The following CAPN11 variants were observed in gnomAD, a reference collection of about 807,000 sequenced individuals.
CAPN11 encodes calpain-11.
CAPN11 carries 108 observed loss-of-function variants against 105.3 expected under a neutral mutation model. The observed-to-expected ratio is 1.03, with a 90% confidence interval of 0.88 to 1.20. The LOEUF (loss-of-function observed/expected upper bound fraction) is 1.20. CAPN11 is among the 50% of genes most tolerant of loss of function. CAPN11 has a pLI of 0.00. For missense variants in CAPN11, 883 were observed against 924.8 expected, an observed-to-expected ratio of 0.95 and a Z score of 0.59; for synonymous variants, 329 against 344.5, an observed-to-expected ratio of 0.96 and a Z score of 0.50.
Position 44,169,527 on chromosome 6 carries a change from C to A in CAPN11, c.335C>A (p.Pro112His). The A allele has an allele frequency of 6.4e-7, 1 of 1,569,056 alleles. No individual in the cohort carries two copies. The highest frequency in any genetic ancestry group is 1.2e-5 in the South Asian group (1 of 85,188). Reference sequence around the variant, plus strand: ...GTGCAGAACATCTCCTGGCAGCGGCCCAAGGTGGGCACTGGAAGGGAGGCA... The same window carrying A: ...GTGCAGAACATCTCCTGGCAGCGGCACAAGGTGGGCACTGGAAGGGAGGCA... The part of the protein sequence containing the change: ...KNVQNISWQR[P>H]KDIINNPLFI... The change falls in exon 3 of 23, where the codon CCC becomes CAC. Residue 112 changes from proline (P) to histidine (H), a missense_variant. Physicochemically the swap from Pro to His is moderately conservative, Grantham distance 77. Coordinates refer to ENST00000398776, the MANE Select transcript of CAPN11 (RefSeq NM_007058.4).
At chr6:44,177,118 G>C in intron 11 of CAPN11, 120 bp downstream of exon 11, 1 of 1,479,336 alleles carries the variant, frequency 6.8e-7, no homozygotes. Flanking sequence ...TCAAGGGTTA[G>C]TCAGATTTCA....
intron 4 of CAPN11, among the ~76,000 whole-genome samples, chr6:44,171,774 G>A (rs1481231499): frequency 1.3e-5 from 2 of 152,140 alleles, no homozygotes; most frequent in Non-Finnish European, 2.9e-5. Context: ...TCACATAATA[G>A]AAAAGGTACA....
Position 44,184,276 on chromosome 6 carries a change from C to T in CAPN11, c.*344C>T, listed in dbSNP as rs535430166. The T allele has an allele frequency of 5.4e-5, 21 of 386,556 alleles. No homozygotes were observed. The highest frequency in any genetic ancestry group is 1.0e-4 in the Non-Finnish European group (21 of 209,434). The allele number at this position is 386,556 out of a possible 1,614,324, so 23.9% of individuals were successfully genotyped here. On this transcript the variant is annotated 3_prime_UTR_variant, in exon 23 of 23. Transcript: ENST00000398776. ...CCAAGAATAGGGAAGGGACTTGTAGCCCGTTTCTTACCCTCCATGCTTGCT... is the reference window on the plus strand; with the variant it reads ...CCAAGAATAGGGAAGGGACTTGTAGTCCGTTTCTTACCCTCCATGCTTGCT...
intron 4 of CAPN11, among the ~76,000 whole-genome samples, chr6:44,171,781 T>C (rs1188895145): frequency 6.6e-6 from 1 of 152,006 alleles, no homozygotes; most frequent in Non-Finnish European, 1.5e-5. Flanking sequence ...ATAGAAAAGG[T>C]ACAGCCAGGC....
chr6:44,163,384 T>C (rs1487830640), intron 1 of CAPN11, among the ~76,000 whole-genome samples: 4 of 152,138 alleles, frequency 2.6e-5, no homozygotes, highest in Non-Finnish European at 5.9e-5. Flanking sequence ...TGCAGTACAA[T>C]GGACGAAGGG....
chr6:44,166,744 CT>C lies in CAPN11; in HGVS notation c.17-11del. On this transcript the variant is annotated splice_polypyrimidine_tract_variant and intron_variant, in intron 1 of 22. Coordinates refer to ENST00000398776, the MANE Select transcript of CAPN11 (RefSeq NM_007058.4). The stretch of plus-strand genomic sequence containing the variant: ...ACAGCCTTCCTCCCCTCCTCCCACT[CT>C]TTCTTATTCTAGGGCCGAGTCTTCC... 6.5e-7 allele frequency: 1 copy of C among 1,549,000 alleles called. No individual in the cohort carries two copies.
chr6:44,182,854 A>T, intron 19 of CAPN11, 87 bp from the exon 20 acceptor site: 2 of 968,386 alleles, frequency 2.1e-6, no homozygotes, highest in Non-Finnish European at 3.2e-6. Context: ...GATTACAGGC[A>T]TGAGCCACCG....
rs1774207848 is a variant in CAPN11 at position 44,184,119 on chromosome 6, C to T, written c.*187C>T. On this transcript the variant is annotated 3_prime_UTR_variant, in exon 23 of 23. Coordinates refer to ENST00000398776, the MANE Select transcript of CAPN11 (RefSeq NM_007058.4). The stretch of plus-strand genomic sequence containing the variant: ...CAGTGGGACCTCCGTGCCCACTCCC[C>T]CAGCTCAGAGGCTTTCTCTTTTTTC... 1 of 618,488 alleles carries T rather than the reference C, an allele frequency of 1.6e-6. No homozygotes were observed. The highest frequency in any genetic ancestry group is 1.8e-5 in the African/African-American group (1 of 54,268). The allele number at this position is 618,488 out of a possible 1,614,324, so 38.3% of individuals were successfully genotyped here. A position where few individuals can be genotyped will look rare whatever the true frequency, so the allele number is the denominator to read the frequency against.
Position 44,169,187 on chromosome 6 carries a change from G to T in CAPN11, c.89-94G>T, listed in dbSNP as rs1310223597. 3.7e-6 allele frequency: 5 copies of T among 1,346,088 alleles called. No homozygotes were observed. The East Asian group carries it at 1.3e-4, about 34-fold the overall frequency. The allele number at this position is 1,346,088 out of a possible 1,614,324, so 83.4% of individuals were successfully genotyped here. ...AGGCTGAAGAGATCCTCCCACCTCA[G>T]CCTCCCAAAGTGCTGAGATTACAGG... On this transcript the variant is annotated intron_variant, in intron 2 of 22. Coordinates refer to ENST00000398776, the MANE Select transcript of CAPN11 (RefSeq NM_007058.4).
intron 1 of CAPN11, among the ~76,000 whole-genome samples, chr6:44,166,131 C>T (rs1002630208): frequency 2.0e-5 from 3 of 151,964 alleles, no homozygotes; most frequent in East Asian, 1.9e-4. Flanking sequence ...AGGAGGTACT[C>T]GTGTGGAACA....
chr6:44,179,984 G>A lies in CAPN11; in HGVS notation c.1461G>A (p.Lys487=), dbSNP rs749554605. ...FQNIQDVHLK[K]EFFTKYQDHG... ...ACATTCAGGATGTCCACTTGAAGAA[G>A]GAATTCTTCACGAAGTATCAGGACC... Residue 487 remains lysine (K), a synonymous_variant, in exon 14 of 23, where the codon AAG becomes AAA. Transcript: ENST00000398776. The A allele has an allele frequency of 1.2e-6, 2 of 1,613,528 alleles. No individual in the cohort carries two copies. The highest frequency in any genetic ancestry group is 1.1e-5 in the South Asian group (1 of 91,072).
chr6:44,169,240 A>G (rs746150887), intron 2 of CAPN11, 41 bp from the exon 3 acceptor site: 6 of 1,563,972 alleles, frequency 3.8e-6, no homozygotes, highest in Non-Finnish European at 5.2e-6. Context: ...AGCTTATTAC[A>G]TTTTTTACTT....
chr6:44,160,399 C>T (rs760672812), intron 1 of CAPN11, among the ~76,000 whole-genome samples: 15 of 152,146 alleles, frequency 9.9e-5, no homozygotes, highest in Non-Finnish European at 1.9e-4. Context: ...GGGCAGATCA[C>T]GAAGTCAGGA....
At chr6:44,180,557 G>A in intron 15 of CAPN11, 40 bp from the exon 16 acceptor site, 1 of 1,613,798 alleles carries the variant, frequency 6.2e-7, no homozygotes, top group East Asian at 2.2e-5. Flanking sequence ...TGTGAAAGAA[G>A]TTTTCTGACC....
Position 44,181,299 on chromosome 6 carries a change from G to A in CAPN11, c.1917G>A (p.Trp639Ter). The change falls in exon 19 of 23, where the codon TGG becomes TGA. Residue 639 changes from tryptophan (W) to a stop codon, truncating the protein, a stop_gained. Coordinates refer to ENST00000398776, the MANE Select transcript of CAPN11 (RefSeq NM_007058.4). LOFTEE classifies it high-confidence loss of function. ...GGCTTCTAGAGTTCAAGATCCTGTG[G>A]AAAAAACTCAAGAAATGGATGGTAA... ...KLGLLEFKIL[W>*]KKLKKWMDIF... 3 of 1,613,440 alleles carry A rather than the reference G, an allele frequency of 1.9e-6. No homozygotes were observed. Among genetic ancestry groups the A allele is most frequent in the Non-Finnish European group, 2.5e-6 (3 of 1,179,592 alleles).
At chr6:44,181,824 C>CCA (rs796767681) in intron 19 of CAPN11, among the ~76,000 whole-genome samples, 9 of 13,942 alleles carry the variant, frequency 6.5e-4, no homozygotes, top group Admixed American at 8.5e-4. Context: ...CACAACCACA[C>CCA]CACACACACA....
chr6:44,183,677 C>T (rs771516467), intron 21 of CAPN11, 28 bp from the exon 22 acceptor site: 1 of 1,610,842 alleles, frequency 6.2e-7, no homozygotes, highest in Admixed American at 1.7e-5. Flanking sequence ...GCATTCAGCC[C>T]CTCTCCCCCG....
chr6:44,178,403 C>G (rs1300432430), intron 12 of CAPN11, among the ~76,000 whole-genome samples: 1 of 151,966 alleles, frequency 6.6e-6, no homozygotes, highest in Non-Finnish European at 1.5e-5. Context: ...ATTTCCCAAG[C>G]CAAACCATGC....
intron 2 of CAPN11, among the ~76,000 whole-genome samples, chr6:44,167,811 G>A (rs560276100): frequency 5.9e-5 from 9 of 152,074 alleles, no homozygotes; most frequent in Non-Finnish European, 1.0e-4. Context: ...AGCTACTCAG[G>A]AGGCTGAGAT....
Sources: allele counts gnomAD v4.1 joint callset (sites outside exome capture counted in the v4.1 genomes callset), GRCh38; gene constraint gnomAD v4.1.1; transcripts MANE v1.5; gene names NCBI Gene and HGNC (gene_info 2026-07-23, HGNC 2026-07-21).